The following ACRBP variants were observed in gnomAD, a reference collection of about 807,000 sequenced individuals.
The protein encoded by ACRBP is acrosin binding protein, also known as acrosin-binding protein.
A neutral mutation model predicts 69.0 loss-of-function variants in ACRBP; 52 were observed. The ratio of observed to expected loss-of-function variants is 0.75; its 90% CI spans 0.60 to 0.95. The LOEUF (loss-of-function observed/expected upper bound fraction) is 0.95, where lower values mean the gene tolerates loss of function less well. ACRBP is among the 40% of genes least tolerant of loss of function. The pLI, the probability that ACRBP is intolerant of heterozygous loss-of-function variation, is 0.00. For missense variants in ACRBP, 604 were observed against 673.0 expected, an observed-to-expected ratio of 0.90 and a Z score of 1.13; for synonymous variants, 267 against 258.9, an observed-to-expected ratio of 1.03 and a Z score of -0.30.
In ACRBP at chr12:6,640,176, G is replaced by A. The variant is rs1285063998; in HGVS notation, c.1309C>T (p.Leu437Phe). Residue 437 changes from leucine (L) to phenylalanine (F), a missense_variant, in exon 8 of 10, where the codon CTC becomes TTC. By Grantham distance (22) the Leu-to-Phe change is conservative. Transcript: ENST00000229243. This position sits in a 1 kb window ranked among gnomAD's most constrained non-coding sequence, Gnocchi z 5.3. ...CGGGCACACCAGAAGTCCATGTGGAGCCCACCGTACAAATCCAGCCCGTAA... is the reference window on the plus strand; with the variant it reads ...CGGGCACACCAGAAGTCCATGTGGAACCCACCGTACAAATCCAGCCCGTAA... Reference protein sequence around the residue: ...RFYGLDLYGGLHMDFWCARLA... With the variant: ...RFYGLDLYGGFHMDFWCARLA... 1.2e-6 allele frequency: 2 copies of A among 1,614,192 alleles called. No individual in the cohort carries two copies. The highest frequency in any genetic ancestry group is 2.2e-5 in the South Asian group (2 of 91,084).
intron 6 of ACRBP, among the ~76,000 whole-genome samples, chr12:6,643,225 T>G (rs1349950451): frequency 6.6e-6 from 1 of 151,808 alleles, no homozygotes; most frequent in Non-Finnish European, 1.5e-5. Context: ...ACCACTCCCC[T>G]CCAGCCTGAG....
chr12:6,639,544 T>G (rs1258942568), intron 8 of ACRBP, among the ~76,000 whole-genome samples: 1 of 152,216 alleles, frequency 6.6e-6, no homozygotes, highest in Non-Finnish European at 1.5e-5. Context: ...TGGTTTTCCC[T>G]GCTAACTACA....
rs749697993 is a variant in ACRBP, at chr12:6,640,712, C to A, written c.1078-190G>T. ...ACCTTGCCTCAGCTATTTCTTCACC[C>A]TCTTCCTGGATGATTTATCTACTCC... is the stretch of plus-strand genomic sequence containing the variant. On this transcript the variant is annotated intron_variant, in intron 6 of 9. Coordinates refer to ENST00000229243, the MANE Select transcript of ACRBP (RefSeq NM_032489.3). This position sits in a 1 kb window ranked among gnomAD's most constrained non-coding sequence, Gnocchi z 5.3. Among the ~76,000 whole-genome samples the A allele has an allele frequency of 6.6e-6, 1 of 152,242 alleles. No individual in the cohort carries two copies. Among genetic ancestry groups the A allele is most frequent in the Non-Finnish European group, 1.5e-5 (1 of 68,046 alleles).
At chr12:6,643,820 G>C in intron 5 of ACRBP, 149 bp from the exon 6 acceptor site, 2 of 1,198,770 alleles carry the variant, frequency 1.7e-6, no homozygotes, top group Non-Finnish European at 1.1e-6. Context: ...TGGACAAATC[G>C]CCTCATTTTT....
Position 6,641,635 on chromosome 12 carries a change from C to T in ACRBP, c.1078-1113G>A, listed in dbSNP as rs145892346. Among the ~76,000 whole-genome samples the T allele has an allele frequency of 9.9e-5, 15 of 152,274 alleles. No individual in the cohort carries two copies. In the South Asian group the frequency reaches 1.7e-3, roughly 17 times the overall value. On this transcript the variant is annotated intron_variant, in intron 6 of 9. Transcript: ENST00000229243. Reference sequence around the variant, plus strand: ...CTTGCATTTTGTTTAAGAACCTCACCGACCACACTCCCTTTGTAATATTAC... The same window carrying T: ...CTTGCATTTTGTTTAAGAACCTCACTGACCACACTCCCTTTGTAATATTAC...
intron 8 of ACRBP, among the ~76,000 whole-genome samples, chr12:6,639,347 C>T (rs747162828): frequency 4.6e-5 from 7 of 152,116 alleles, no homozygotes; most frequent in African/African-American, 7.2e-5. Context: ...GACAGGGACC[C>T]GATTAGTGGC....
intron 1 of ACRBP, 144 bp downstream of exon 1, chr12:6,647,180 G>C (rs905437047): frequency 1.8e-6 from 2 of 1,127,758 alleles, no homozygotes; most frequent in Non-Finnish European, 1.3e-6. Context: ...GCGGGCGGGG[G>C]GAGATGGGAG....
At position 6,647,018 on chromosome 12, in the gene ACRBP, G is replaced by A. The variant is rs757384750; in HGVS notation, c.44-6C>T. ...TGCCAGAGGCAGGAGCAGCACTGCG[G>A]AGCGGGCGAACGGATGATGGAAGGA... On this transcript the variant is annotated splice_polypyrimidine_tract_variant and splice_region_variant and intron_variant, in intron 1 of 9. Coordinates refer to ENST00000229243, the MANE Select transcript of ACRBP (RefSeq NM_032489.3). 3.7e-6 allele frequency: 6 copies of A among 1,607,226 alleles called. No individual in the cohort carries two copies. The highest frequency in any genetic ancestry group is 2.7e-5 in the African/African-American group (2 of 74,908).
At chr12:6,642,893 C>T (rs891134947) in intron 6 of ACRBP, among the ~76,000 whole-genome samples, 14 of 152,086 alleles carry the variant, frequency 9.2e-5, no homozygotes, top group Non-Finnish European at 2.1e-4. Context: ...TATGAACTCT[C>T]TGGAAAGAAG....
chr12:6,639,088 C>CTG, intron 8 of ACRBP, 51 bp from the exon 9 acceptor site: 1 of 1,518,984 alleles, frequency 6.6e-7, no homozygotes, highest in Non-Finnish European at 9.1e-7. Flanking sequence ...CCTCACCAGG[C>CTG]AGCAGCACTC....
intron 8 of ACRBP, among the ~76,000 whole-genome samples, chr12:6,639,280 A>G (rs1306983541): frequency 2.0e-5 from 3 of 152,230 alleles, no homozygotes; most frequent in Non-Finnish European, 4.4e-5. Flanking sequence ...TTACTGGGAA[A>G]GTGGCTGAGG....
At chr12:6,645,517 CTGTT>C (rs1335003287) in intron 3 of ACRBP, among the ~76,000 whole-genome samples, 180 bp from the exon 4 acceptor site, 1 of 152,180 alleles carries the variant, frequency 6.6e-6, no homozygotes, top group Non-Finnish European at 1.5e-5. Context: ...AGATGAATCT[CTGTT>C]TGTCTGGGCC....
At position 6,640,746 on chromosome 12, in the gene ACRBP, C is replaced by A. The variant is rs1477734844; in HGVS notation, c.1078-224G>T. ...GATGATTTATCTACTCCTAGGTAAT[C>A]ATCTATCTGCGAGTGACACCCAAAT... On this transcript the variant is annotated intron_variant, in intron 6 of 9. Coordinates refer to ENST00000229243, the MANE Select transcript of ACRBP (RefSeq NM_032489.3). The surrounding 1 kb of genome is among the most constrained non-coding windows in gnomAD (Gnocchi z 5.3). Among the ~76,000 whole-genome samples the A allele has an allele frequency of 2.0e-5, 3 of 152,188 alleles. No individual in the cohort carries two copies.
At position 6,645,320 on chromosome 12, in the gene ACRBP, C is replaced by A; in HGVS notation, c.375G>T (p.Gln125His). The A allele has an allele frequency of 6.2e-7, 1 of 1,613,456 alleles. No homozygotes were observed. The highest frequency in any genetic ancestry group is 8.5e-7 in the Non-Finnish European group (1 of 1,179,668). ...VYYAKRVLCS[Q>H]PVSILSPNTL... ...TGTTAGGTGAGAGAATAGAGACTGG[C>A]TGGGAACACAGGACTCTCTGCAGGA... Residue 125 changes from glutamine to histidine, a missense_variant, in exon 4 of 10, where the codon CAG becomes CAT. Coordinates refer to ENST00000229243, the MANE Select transcript of ACRBP (RefSeq NM_032489.3).
intron 3 of ACRBP, 84 bp from the exon 4 acceptor site, chr12:6,645,421 A>G: frequency 1.9e-6 from 2 of 1,046,722 alleles, no homozygotes; most frequent in Non-Finnish European, 3.0e-6. Flanking sequence ...CTTTTCCAGC[A>G]TGTCTTATCT....
intron 9 of ACRBP, 112 bp from the exon 10 acceptor site, chr12:6,638,516 C>T (rs572360146): frequency 2.0e-6 from 3 of 1,467,274 alleles, no homozygotes; most frequent in Admixed American, 1.8e-5. Flanking sequence ...GGCATGGGCA[C>T]AGGGCAGTAG....
At chr12:6,646,768 G>A (rs1034642815) in intron 2 of ACRBP, 26 bp downstream of exon 2, 2 of 1,612,112 alleles carry the variant, frequency 1.2e-6, no homozygotes, top group African/African-American at 1.3e-5. Context: ...TGGGTGCCTC[G>A]GTTTCCCCCC....
chr12:6,639,743 G>C (rs990930818), intron 8 of ACRBP, among the ~76,000 whole-genome samples: 5 of 152,216 alleles, frequency 3.3e-5, no homozygotes, highest in African/African-American at 1.2e-4. Flanking sequence ...GTCATTTCTT[G>C]TAGAGATGAC....
rs111909816 is a variant in ACRBP at position 6,640,582 on chromosome 12, C to G, written c.1078-60G>C. Reference sequence around the variant, plus strand: ...AGTCAGCGGCCTGCCTTCTCCCATGCCTCAGCCCTCCAGGGTGGGCCCTGC... The same window carrying G: ...AGTCAGCGGCCTGCCTTCTCCCATGGCTCAGCCCTCCAGGGTGGGCCCTGC... On this transcript the variant is annotated intron_variant, in intron 6 of 9. Transcript: ENST00000229243. The surrounding 1 kb of genome is among the most constrained non-coding windows in gnomAD (Gnocchi z 5.3). The G allele has an allele frequency of 2.6e-6, 4 of 1,556,884 alleles. No individual in the cohort carries two copies. Among genetic ancestry groups the G allele is most frequent in the Non-Finnish European group, 3.5e-6 (4 of 1,144,260 alleles).
Sources: gnomAD v4.1 joint callset for allele counts (sites outside exome capture counted in the v4.1 genomes callset) on GRCh38, gnomAD v4.1.1 for gene constraint, Gnocchi (gnomAD v3.1) non-coding constraint, MANE v1.5 for transcripts, NCBI Gene and HGNC (gene_info 2026-07-23, HGNC 2026-07-21) for gene names.